The following SYNE2 variants were observed in gnomAD, a reference collection of about 807,000 sequenced individuals.
The protein encoded by SYNE2 is nesprin-2.
A neutral mutation model predicts 856.3 loss-of-function variants in SYNE2; 431 were observed. The observed-to-expected ratio is 0.50, with a 90% CI of 0.47 to 0.55. The LOEUF is 0.55. Among genes scored for constraint, SYNE2 ranks in the 20% least tolerant of loss-of-function variants. The pLI, the probability that SYNE2 is intolerant of heterozygous loss-of-function variation, is 0.00. For missense variants in SYNE2, 8,129 were observed against 8,023.2 expected, an observed-to-expected ratio of 1.01 and a Z score of -0.50; for synonymous variants, 2,923 against 2,872.3, an observed-to-expected ratio of 1.02 and a Z score of -0.56.
intron 52 of SYNE2, among the ~76,000 whole-genome samples, chr14:64,072,439 T>TGAGGA (rs1384836199): frequency 1.3e-5 from 2 of 151,438 alleles, no homozygotes; most frequent in Admixed American, 1.3e-4. Context: ...GCTCAATCCA[T>TGAGGA]CCCACAAGAG....
chr14:63,928,644 T>A lies in SYNE2; in HGVS notation c.80-11970T>A, dbSNP rs1595694282. 2.6e-5 allele frequency among the ~76,000 whole-genome samples: 4 copies of A among 152,360 alleles called. No homozygotes were observed. The South Asian group carries it at 8.3e-4, about 32-fold the overall frequency. ...TTTTTGTTTTGATTGTACATGCCTG[T>A]GTGTTTTTATTCCTTAATTTGTTTC... is the stretch of plus-strand genomic sequence containing the variant. On this transcript the variant is annotated intron_variant, in intron 2 of 115. Coordinates refer to ENST00000555002, the MANE Select transcript of SYNE2 (RefSeq NM_182914.3).
intron 109 of SYNE2, 84 bp from the exon 110 acceptor site, chr14:64,219,124 T>TTTTTTTTTTTTA (rs369808458): frequency 3.4e-5 from 29 of 846,358 alleles, no homozygotes; most frequent in East Asian, 1.5e-4. Context: ...TTTTTTTTTT[T>TTTTTTTTTTTTA]AACCACCCTG....
chr14:64,186,375 A>G (rs2098490955), intron 96 of SYNE2, 49 bp from the exon 97 acceptor site: 1 of 1,612,888 alleles, frequency 6.2e-7, no homozygotes, highest in Non-Finnish European at 8.5e-7. Flanking sequence ...TGGAAACAAC[A>G]GCCGCTTGAG....
chr14:64,099,755 AATT>A (rs1163293923), intron 63 of SYNE2: 2 of 151,500 alleles, frequency 1.3e-5, no homozygotes, highest in Non-Finnish European at 2.9e-5. Context: ...TCTTTTTTTT[AATT>A]ATTATTATAC....
chr14:63,882,125 G>T (rs1168036139), intron 1 of SYNE2, among the ~76,000 whole-genome samples: 1 of 152,112 alleles, frequency 6.6e-6, no homozygotes, highest in Non-Finnish European at 1.5e-5. Context: ...GTGGAAAGTG[G>T]AAGCTCAGCC....
At chr14:63,831,478 T>C (rs537557725) in intron 1 of SYNE2, among the ~76,000 whole-genome samples, 3 of 152,136 alleles carry the variant, frequency 2.0e-5, no homozygotes, top group Non-Finnish European at 4.4e-5. Flanking sequence ...CTGATTCTTC[T>C]ATTTTTTTCT....
At position 64,216,922 on chromosome 14, in the gene SYNE2, C is replaced by T. The variant is rs916946164; in HGVS notation, c.19542+535C>T. 2.6e-5 allele frequency among the ~76,000 whole-genome samples: 4 copies of T among 152,248 alleles called. No individual in the cohort carries two copies. The East Asian group carries it at 7.7e-4, about 29-fold the overall frequency. On this transcript the variant is annotated intron_variant, in intron 108 of 115. Coordinates refer to ENST00000555002, the MANE Select transcript of SYNE2 (RefSeq NM_182914.3). ...GTATTTTTAGTAGAGATGGGGGTTT[C>T]ACCATGTTGGCCAGGCTGGTCTTGA...
intron 62 of SYNE2, chr14:64,098,464 G>T: frequency 1.7e-6 from 1 of 584,226 alleles, no homozygotes; most frequent in Non-Finnish European, 3.0e-6. Flanking sequence ...CTCAAGAAGG[G>T]CCCAGTGCCT....
Position 64,091,011 on chromosome 14 carries a change from T to G in SYNE2, c.11939T>G (p.Leu3980Trp). 2 of 1,614,114 alleles carry G rather than the reference T, an allele frequency of 1.2e-6. No homozygotes were observed. Among genetic ancestry groups the G allele is most frequent in the Non-Finnish European group, 1.7e-6 (2 of 1,179,972 alleles). ...TNQLLQDIKL[L>W]ENVTQEQNEL... The stretch of plus-strand genomic sequence containing the variant: ...CAGCTTTTACAAGATATAAAACTAT[T>G]GGAAAATGTGACTCAAGAACAAAAT... The change falls in exon 60 of 116, where the codon TTG (leucine) becomes TGG (tryptophan). Residue 3980 changes from leucine (L) to tryptophan (W), a missense_variant. Around this residue, in one of 3 missense-constraint regions of SYNE2, gnomAD observed 5,410 missense variants for 5,284.8 expected, o/e 1.02. Coordinates refer to ENST00000555002, the MANE Select transcript of SYNE2 (RefSeq NM_182914.3).
At chr14:64,136,624 ACTTCT>A (rs1337937995) in intron 78 of SYNE2, among the ~76,000 whole-genome samples, 1 of 152,182 alleles carries the variant, frequency 6.6e-6, no homozygotes, top group Non-Finnish European at 1.5e-5. Context: ...CTTTAGACAG[ACTTCT>A]CTTCAAAGAA....
intron 1 of SYNE2, among the ~76,000 whole-genome samples, chr14:63,869,591 G>A (rs1461125493): frequency 2.8e-5 from 4 of 141,846 alleles, no homozygotes; most frequent in Non-Finnish European, 4.5e-5. Flanking sequence ...AGCTGAGATC[G>A]CGCCACTGCA....
intron 66 of SYNE2, among the ~76,000 whole-genome samples, chr14:64,114,456 G>A (rs749900298): frequency 2.6e-5 from 4 of 152,074 alleles, no homozygotes; most frequent in Non-Finnish European, 4.4e-5. Flanking sequence ...CACAGGGAGC[G>A]TTTCCTGCTG....
In SYNE2 at chr14:63,946,500, AGATCATATATATGTATATATAT is replaced by A. The variant is rs1185135121; in HGVS notation, c.409-3320_409-3299del. ...ACACAGACATACACATATATACTGGAGATCATATATATGTATATATATGATCTCCAGTATATACATTATATAT... is the reference window on the plus strand; with the variant it reads ...ACACAGACATACACATATATACTGGAGATCTCCAGTATATACATTATATAT... On this transcript the variant is annotated intron_variant, in intron 6 of 115. Transcript: ENST00000555002. Among the ~76,000 whole-genome samples, 3 of 83,816 alleles carry A rather than the reference AGATCATATATATGTATATATAT, an allele frequency of 3.6e-5. No homozygotes were observed. The Admixed American group carries it at 4.3e-4, about 12-fold the overall frequency. The allele number at this position is 83,816 out of a possible 152,430, so 55.0% of individuals were successfully genotyped here. A position where few individuals can be genotyped will look rare whatever the true frequency, so the allele number is the denominator to read the frequency against.
rs1439617955 is a variant in SYNE2 at position 64,219,080 on chromosome 14, A to AG, written c.19658-124dup. 4.7e-6 allele frequency: 4 copies of AG among 859,494 alleles called. No homozygotes were observed. In the East Asian group the frequency reaches 1.1e-4, roughly 24 times the overall value. The allele number at this position is 859,494 out of a possible 1,614,324, so 53.2% of individuals were successfully genotyped here. ...ACTCCCAAAACCAGACCCTTCTGTC[A>AG]GGGGAATCCCCTACAGTTTTTTTGT... On this transcript the variant is annotated intron_variant, in intron 109 of 115. Transcript: ENST00000555002.
At chr14:63,831,993 GTATTT>G (rs1364332480) in intron 1 of SYNE2, among the ~76,000 whole-genome samples, 1 of 151,728 alleles carries the variant, frequency 6.6e-6, no homozygotes, top group African/African-American at 2.4e-5. Context: ...AGATTTTTCA[GTATTT>G]TATTCTTGTA....
upstream of SYNE2, among the ~76,000 whole-genome samples, chr14:63,761,738 G>C (rs1353032620): frequency 1.3e-5 from 2 of 152,198 alleles, no homozygotes; most frequent in Non-Finnish European, 2.9e-5. Flanking sequence ...AGGTGAGAAT[G>C]AGCCTCCTCC....
At position 64,111,350 on chromosome 14, in the gene SYNE2, C is replaced by CA. The variant is rs576012345; in HGVS notation, c.12610-1984dup. On this transcript the variant is annotated intron_variant, in intron 65 of 115. Coordinates refer to ENST00000555002, the MANE Select transcript of SYNE2 (RefSeq NM_182914.3). Reference sequence around the variant, plus strand: ...ATTAATAGATTGTTCTCTCAAGTGGCAAAAAAAGGAAAGGGAATTCCAAAA... The same window carrying CA: ...ATTAATAGATTGTTCTCTCAAGTGGCAAAAAAAAGGAAAGGGAATTCCAAAA... Among the ~76,000 whole-genome samples, 89 of 151,578 alleles carry CA rather than the reference C, an allele frequency of 5.9e-4. No individual in the cohort carries two copies. In the East Asian group the frequency reaches 0.01, roughly 17 times the overall value.
intron 1 of SYNE2, among the ~76,000 whole-genome samples, chr14:63,875,838 C>T (rs560858707): frequency 5.3e-5 from 8 of 152,258 alleles, no homozygotes; most frequent in Admixed American, 4.6e-4. Context: ...CGAAGGGAGG[C>T]GTCACTGCCC....
chr14:64,004,067 C>T (rs2096775933), intron 30 of SYNE2, among the ~76,000 whole-genome samples: 1 of 152,018 alleles, frequency 6.6e-6, no homozygotes, highest in Non-Finnish European at 1.5e-5. Context: ...GCTCTGTCAA[C>T]AGGCTGGAGT....
Sources: gnomAD v4.1 joint callset for allele counts (sites outside exome capture counted in the v4.1 genomes callset) on GRCh38, gnomAD v4.1.1 for gene constraint, gnomAD v4.1.1 regional missense constraint, MANE v1.5 for transcripts, NCBI Gene and HGNC (gene_info 2026-07-23, HGNC 2026-07-21) for gene names.